SNX6: variants seen among roughly 807,000 people sequenced by gnomAD.
SNX6 encodes sorting nexin-6.
Under a neutral mutation model 63.0 loss-of-function variants are expected in SNX6, and 34 were observed. The ratio of observed to expected loss-of-function variants is 0.54; its 90% CI spans 0.41 to 0.72. The LOEUF is 0.72. Among genes scored for constraint, SNX6 ranks in the 30% least tolerant of loss-of-function variants. The pLI is 0.00. For missense variants in SNX6, 398 were observed against 471.4 expected (o/e 0.84, Z 1.44); for synonymous variants, 170 against 164.2 (o/e 1.04, Z -0.27).
At chr14:34,616,677 C>T (rs749668004) in intron 2 of SNX6, among the ~76,000 whole-genome samples, 5 of 152,122 alleles carry the variant, frequency 3.3e-5, no homozygotes, top group South Asian at 2.1e-4. Flanking sequence ...ATAAAATGTA[C>T]ACAAATTGTC....
At chr14:34,618,049 G>T (rs368267474) in intron 2 of SNX6, among the ~76,000 whole-genome samples, 1 of 152,114 alleles carries the variant, frequency 6.6e-6, no homozygotes, top group African/African-American at 2.4e-5. Flanking sequence ...AGCAAATGTA[G>T]AGAGATGGAT....
chr14:34,628,626 C>G (rs1462305045), intron 2 of SNX6, among the ~76,000 whole-genome samples: 1 of 152,270 alleles, frequency 6.6e-6, no homozygotes, highest in East Asian at 1.9e-4. Context: ...GAGATACTGT[C>G]TCATAAAACC....
intron 11 of SNX6, among the ~76,000 whole-genome samples, chr14:34,573,805 G>A (rs1881563329): frequency 1.3e-5 from 2 of 151,334 alleles, no homozygotes; most frequent in Non-Finnish European, 2.9e-5. Flanking sequence ...ACCATGCCTG[G>A]CTAATTTTTG....
chr14:34,617,745 C>A (rs1489402548), intron 2 of SNX6, among the ~76,000 whole-genome samples: 2 of 151,800 alleles, frequency 1.3e-5, no homozygotes, highest in African/African-American at 2.4e-5. Flanking sequence ...CACGGTGAAA[C>A]CCCGTCTCTA....
intron 11 of SNX6, among the ~76,000 whole-genome samples, chr14:34,570,227 G>C (rs1477158417): frequency 6.6e-6 from 1 of 151,646 alleles, no homozygotes; most frequent in Non-Finnish European, 1.5e-5. Flanking sequence ...GTGCCACCAC[G>C]CCTGGCTAAT....
chr14:34,599,716 C>G (rs527579653), intron 6 of SNX6, among the ~76,000 whole-genome samples: 1 of 148,924 alleles, frequency 6.7e-6, no homozygotes, highest in South Asian at 2.1e-4. Context: ...AGAGGTTGCA[C>G]TGAGCGGAGA....
intron 7 of SNX6, among the ~76,000 whole-genome samples, chr14:34,594,354 AATTATT>A (rs150868474): frequency 2.0e-5 from 3 of 151,524 alleles, no homozygotes; most frequent in Non-Finnish European, 4.4e-5. Flanking sequence ...TAAAAATAAA[AATTATT>A]ATTATTATCT....
chr14:34,600,444 T>G (rs78578204), intron 6 of SNX6, among the ~76,000 whole-genome samples: 4 of 137,216 alleles, frequency 2.9e-5, no homozygotes, highest in African/African-American at 1.0e-4. Flanking sequence ...CTTCTTCTTC[T>G]TTTTTTTTTT....
Position 34,608,128 on chromosome 14 carries a change from T to A in SNX6, c.172A>T (p.Asn58Tyr). The A allele has an allele frequency of 6.3e-7, 1 of 1,595,996 alleles. No homozygotes were observed. Among genetic ancestry groups the A allele is most frequent in the Non-Finnish European group, 8.6e-7 (1 of 1,167,892 alleles). ...FTVHTKSSLP[N>Y]FKQNEFSVVR... ...ACTGAAAACTCGTTTTGTTTAAAAT[T>A]TGGCAATGAACTCTGTAAAGATAGA... The change falls in exon 4 of 14, where the codon AAT becomes TAT. Residue 58 changes from asparagine (N) to tyrosine (Y), a missense_variant. Coordinates refer to ENST00000362031, the MANE Select transcript of SNX6 (RefSeq NM_152233.4).
intron 13 of SNX6, among the ~76,000 whole-genome samples, chr14:34,563,927 C>T (rs1487046657): frequency 6.6e-6 from 1 of 152,056 alleles, no homozygotes; most frequent in Non-Finnish European, 1.5e-5. Flanking sequence ...TTAGTAGAGA[C>T]GGGGTTTTGC....
intron 2 of SNX6, among the ~76,000 whole-genome samples, chr14:34,623,512 G>A (rs1357246656): frequency 1.3e-5 from 2 of 152,142 alleles, no homozygotes; most frequent in Non-Finnish European, 2.9e-5. Flanking sequence ...AGTAATATAA[G>A]TAATTTGACG....
intron 11 of SNX6, chr14:34,568,581 C>T: frequency 1.7e-6 from 1 of 600,934 alleles, no homozygotes; most frequent in Non-Finnish European, 3.0e-6. Context: ...AAGTGATCCC[C>T]CTATTTCAGC....
intron 11 of SNX6, among the ~76,000 whole-genome samples, chr14:34,572,372 A>G (rs1881485655): frequency 6.6e-6 from 1 of 152,166 alleles, no homozygotes; most frequent in Non-Finnish European, 1.5e-5. Flanking sequence ...ATAGTGAGAC[A>G]CTTGTCTCTG....
chr14:34,583,594 T>A (rs1292303697), intron 9 of SNX6, among the ~76,000 whole-genome samples: 1 of 151,886 alleles, frequency 6.6e-6, no homozygotes, highest in Non-Finnish European at 1.5e-5. Flanking sequence ...AGCTACTGTA[T>A]GCCAGCCTGA....
intron 2 of SNX6, among the ~76,000 whole-genome samples, chr14:34,628,756 T>C (rs1883924246): frequency 6.6e-6 from 1 of 152,208 alleles, no homozygotes; most frequent in Non-Finnish European, 1.5e-5. Context: ...CACTAACAGA[T>C]GTCTCTCTCA....
intron 7 of SNX6, among the ~76,000 whole-genome samples, chr14:34,594,006 G>A (rs930899494): frequency 6.6e-6 from 1 of 152,136 alleles, no homozygotes; most frequent in Non-Finnish European, 1.5e-5. Flanking sequence ...TTACAGGCAT[G>A]AGCCACCGCA....
intron 13 of SNX6, among the ~76,000 whole-genome samples, chr14:34,563,481 C>A (rs1881023287): frequency 6.6e-6 from 1 of 151,916 alleles, no homozygotes; most frequent in South Asian, 2.1e-4. Context: ...ATGGCATGAA[C>A]CCGGGAAGCG....
rs776786467 is a variant in SNX6, at chr14:34,567,873, T to C, written c.1062A>G (p.Ile354Met). ...CAGTACCTTGTTTTGCAGACTCAGA[T>C]ATTTTTTCAAATTTCTGACAACATA... ...QQLCCQKFEKISESAKQELID... is the reference protein window; with the variant it reads ...QQLCCQKFEKMSESAKQELID... The change falls in exon 12 of 14, where the codon ATA (isoleucine) becomes ATG (methionine). Residue 354 changes from isoleucine (I) to methionine (M), a missense_variant. Coordinates refer to ENST00000362031, the MANE Select transcript of SNX6 (RefSeq NM_152233.4). 6.2e-7 allele frequency: 1 copy of C among 1,614,120 alleles called. No individual in the cohort carries two copies. Among genetic ancestry groups the C allele is most frequent in the Non-Finnish European group, 8.5e-7 (1 of 1,180,026 alleles).
chr14:34,612,441 A>G (rs1315393029), intron 2 of SNX6, among the ~76,000 whole-genome samples: 1 of 151,428 alleles, frequency 6.6e-6, no homozygotes. Flanking sequence ...CAATCACATC[A>G]TCTTTTTTTG....
Sources: allele counts gnomAD v4.1 joint callset (sites outside exome capture counted in the v4.1 genomes callset), GRCh38; gene constraint gnomAD v4.1.1; transcripts MANE v1.5; gene names NCBI Gene and HGNC (gene_info 2026-07-23, HGNC 2026-07-21).